AKR7A3: variants seen among roughly 807,000 people sequenced by gnomAD.
AKR7A3 encodes the protein aldo-keto reductase family 7 member A3, also known as AFB1 aldehyde reductase 2.
A neutral mutation model predicts 32.5 loss-of-function variants in AKR7A3; 37 were observed. The observed-to-expected ratio is 1.14, with a 90% CI of 0.88 to 1.50. The LOEUF is 1.50. Among genes scored for constraint, AKR7A3 ranks in the 40% most tolerant of loss-of-function variants. AKR7A3 has a pLI of 0.00. For synonymous variants in AKR7A3, 177 were observed against 188.4 expected, an observed-to-expected ratio of 0.94 and a Z score of 0.50; for missense variants, 412 against 453.2, an observed-to-expected ratio of 0.91 and a Z score of 0.83.
chr1:19,285,507 G>A (rs2151981941), intron 3 of AKR7A3, among the ~76,000 whole-genome samples: 1 of 151,770 alleles, frequency 6.6e-6, no homozygotes, highest in African/African-American at 2.4e-5. Flanking sequence ...GAATCATGAG[G>A]AGGTAAACAA....
At position 19,284,725 on chromosome 1, in the gene AKR7A3, C is replaced by T. The variant is rs368463814; in HGVS notation, c.665G>A (p.Arg222His). 26 of 1,613,808 alleles carry T rather than the reference C, an allele frequency of 1.6e-5. No individual in the cohort carries two copies. Among genetic ancestry groups the T allele is most frequent in the Non-Finnish European group, 1.8e-5 (21 of 1,179,984 alleles). Reference sequence around the variant, plus strand: ...CTCTGCCCAGGTATTCCCAAAGAAGCGGCCCACGGGCTGTTTCCCATTCTT... The same window carrying T: ...CTCTGCCCAGGTATTCCCAAAGAAGTGGCCCACGGGCTGTTTCCCATTCTT... ...EDKNGKQPVGRFFGNTWAEMY... is the reference protein window; with the variant it reads ...EDKNGKQPVGHFFGNTWAEMY... Residue 222 changes from arginine (R) to histidine (H), a missense_variant, in exon 5 of 7, where the codon CGC (arginine) becomes CAC (histidine). Physicochemically the swap from Arg to His is conservative, Grantham distance 29. Transcript: ENST00000361640.
chr1:19,287,954 G>T (rs1445055758), intron 1 of AKR7A3, among the ~76,000 whole-genome samples: 1 of 152,198 alleles, frequency 6.6e-6, no homozygotes, highest in Admixed American at 6.5e-5. Context: ...CCACCCTTGT[G>T]AGGTGCCCTT....
chr1:19,288,572 G>A lies in AKR7A3; in HGVS notation c.138C>T (p.Ala46=). The change falls in exon 1 of 7, where the codon GCC becomes GCT. Residue 46 remains alanine, a synonymous_variant. Transcript: ENST00000361640. ...CGGACTGGCCCTCGCTGTACACGAA[G>A]GCCGTGTCTATCTCGGTGTGGCCGC... is the stretch of plus-strand genomic sequence containing the variant. The part of the protein sequence containing the change: ...LERGHTEIDT[A]FVYSEGQSET... The A allele has an allele frequency of 6.2e-7, 1 of 1,609,542 alleles. No homozygotes were observed. The highest frequency in any genetic ancestry group is 8.5e-7 in the Non-Finnish European group (1 of 1,178,820).
At chr1:19,280,225 A>G (rs1226107677), downstream of AKR7A3, among the ~76,000 whole-genome samples, 2 of 151,912 alleles carry the variant, frequency 1.3e-5, no homozygotes, top group Middle Eastern at 3.4e-3. Flanking sequence ...CAAGGCCACA[A>G]GACTTATCTC....
At chr1:19,281,348 A>C (rs944321752), downstream of AKR7A3, among the ~76,000 whole-genome samples, 4 of 151,892 alleles carry the variant, frequency 2.6e-5, no homozygotes, top group African/African-American at 9.7e-5. Flanking sequence ...TGTTCTCAAA[A>C]AAAAGCTGGC....
intron 1 of AKR7A3, among the ~76,000 whole-genome samples, chr1:19,287,658 C>A (rs1477949259): frequency 6.6e-6 from 1 of 152,022 alleles, no homozygotes; most frequent in Non-Finnish European, 1.5e-5. Flanking sequence ...CGCGGCATTG[C>A]CAAAACACAT....
downstream of AKR7A3, among the ~76,000 whole-genome samples, chr1:19,279,882 C>A (rs2093716252): frequency 6.6e-6 from 1 of 151,798 alleles, no homozygotes. Context: ...TGTGGCCCGA[C>A]ACAAATTCAT....
Position 19,284,024 on chromosome 1 carries a change from C to A in AKR7A3, c.806G>T (p.Arg269Leu). The part of the protein sequence containing the change: ...SAPSMTSATL[R>L]WMYHHSQLQG... Reference sequence around the variant, plus strand: ...CAGCTGTGAGTGGTGGTACATCCACCGGAGGGTGGCCGAGGTCATGCTGGG... The same window carrying A: ...CAGCTGTGAGTGGTGGTACATCCACAGGAGGGTGGCCGAGGTCATGCTGGG... Residue 269 changes from arginine (R) to leucine (L), a missense_variant, in exon 6 of 7, where the codon CGG becomes CTG. Physicochemically the swap from Arg to Leu is moderately radical, Grantham distance 102 (BLOSUM62 -2). Transcript: ENST00000361640. 1 of 1,613,520 alleles carries A rather than the reference C, an allele frequency of 6.2e-7. No individual in the cohort carries two copies. The highest frequency in any genetic ancestry group is 8.5e-7 in the Non-Finnish European group (1 of 1,179,868).
In AKR7A3 at chr1:19,284,031, T is replaced by C. The variant is rs760443505; in HGVS notation, c.799A>G (p.Thr267Ala). ...GASAPSMTSA[T>A]LRWMYHHSQL... ...GAGTGGTGGTACATCCACCGGAGGG[T>C]GGCCGAGGTCATGCTGGGGGCGCTG... Residue 267 changes from threonine (T) to alanine (A), a missense_variant, in exon 6 of 7, where the codon ACC (threonine) becomes GCC (alanine). Physicochemically the swap from Thr to Ala is moderately conservative, Grantham distance 58. Coordinates refer to ENST00000361640, the MANE Select transcript of AKR7A3 (RefSeq NM_012067.3). 213 of 1,613,276 alleles carry C rather than the reference T, an allele frequency of 1.3e-4. No individual in the cohort carries two copies. The highest frequency in any genetic ancestry group is 1.7e-4 in the Middle Eastern group (1 of 5,854).
rs2995181 is a variant in AKR7A3, at chr1:19,282,758, A to G, written c.969T>C (p.Thr323=). 40 of 1,613,720 alleles carry G rather than the reference A, an allele frequency of 2.5e-5. No homozygotes were observed. The highest frequency in any genetic ancestry group is 4.5e-5 in the East Asian group (2 of 44,890). ...DAFNQAWHLV[T]HECPNYFR is the part of the protein sequence containing the mutation. ...AGCGGAAGTAGTTGGGACATTCGTG[A>G]GTAACCAAATGCCAGGCTTGATTAA... The change falls in exon 7 of 7, where the codon ACT becomes ACC. Residue 323 remains threonine (T), a synonymous_variant. Transcript: ENST00000361640.
chr1:19,274,912 A>AAAAAAAAAAAAAAAAAAAAAAAC, the AKR7A3 span, among the ~76,000 whole-genome samples: 1 of 148,620 alleles, frequency 6.7e-6, no homozygotes, highest in Non-Finnish European at 1.5e-5. Flanking sequence ...AAAAAAAAAA[A>AAAAAAAAAAAAAAAAAAAAAAAC]AAAGACCAAT....
intron 1 of AKR7A3, among the ~76,000 whole-genome samples, chr1:19,286,678 A>G (rs1347764327): frequency 1.3e-5 from 2 of 151,766 alleles, no homozygotes; most frequent in African/African-American, 4.9e-5. Context: ...TTCTCAAAAA[A>G]CAAACAAACA....
chr1:19,285,880 G>T lies in AKR7A3; in HGVS notation c.507+8C>A. ...GGAGACCTTGGCCTCTGCAGCCCTGGCTCTCACCTGGTACACAGTGGGCAG... is the reference window on the plus strand; with the variant it reads ...GGAGACCTTGGCCTCTGCAGCCCTGTCTCTCACCTGGTACACAGTGGGCAG... On this transcript the variant is annotated splice_region_variant and intron_variant, in intron 3 of 6. Transcript: ENST00000361640. 6.2e-7 allele frequency: 1 copy of T among 1,613,598 alleles called. No homozygotes were observed.
chr1:19,288,227 C>T (rs2093734318), intron 1 of AKR7A3, among the ~76,000 whole-genome samples: 1 of 152,146 alleles, frequency 6.6e-6, no homozygotes, highest in African/African-American at 2.4e-5. Context: ...CCAGGCAAGA[C>T]CAAGTCATCC....
downstream of AKR7A3, among the ~76,000 whole-genome samples, chr1:19,278,567 G>T (rs558776284): frequency 1.3e-5 from 2 of 150,294 alleles, no homozygotes; most frequent in African/African-American, 4.9e-5. Flanking sequence ...TCTCAAAAAA[G>T]AAAAAAACAA....
At chr1:19,279,723 C>A (rs745915618), downstream of AKR7A3, among the ~76,000 whole-genome samples, 2 of 151,804 alleles carry the variant, frequency 1.3e-5, no homozygotes, top group Non-Finnish European at 2.9e-5. Context: ...TATATCTTTG[C>A]TAGAGAAAGT....
chr1:19,288,430 C>T (rs1345831223), intron 1 of AKR7A3, 66 bp downstream of exon 1: 16 of 1,543,182 alleles, frequency 1.0e-5, no homozygotes, highest in Non-Finnish European at 1.4e-5. Context: ...GAGAGCGGGG[C>T]GGTACACGGC....
chr1:19,286,309 A>G lies in AKR7A3; in HGVS notation c.278T>C (p.Phe93Ser). The change falls in exon 2 of 7, where the codon TTC (phenylalanine) becomes TCC (serine). Residue 93 changes from phenylalanine (F) to serine (S), a missense_variant. Transcript: ENST00000361640. ...GNSLKPDSLR[F>S]QLETSLKRLQ... The stretch of plus-strand genomic sequence containing the variant: ...CCGCTTCAGTGACGTCTCCAGCTGG[A>G]ACCGGAGACTGTCAGGCTTCAGGGA... 1.9e-6 allele frequency: 3 copies of G among 1,613,920 alleles called. No homozygotes were observed. The highest frequency in any genetic ancestry group is 2.5e-6 in the Non-Finnish European group (3 of 1,180,034).
chr1:19,287,527 C>T (rs1318169672), intron 1 of AKR7A3, among the ~76,000 whole-genome samples: 38 of 151,846 alleles, frequency 2.5e-4, no homozygotes, highest in Admixed American at 2.5e-3. Context: ...ATTTCCCAGC[C>T]CTCACTATGT....
Sources: gnomAD v4.1 joint callset for allele counts (sites outside exome capture counted in the v4.1 genomes callset) on GRCh38, gnomAD v4.1.1 for gene constraint, MANE v1.5 for transcripts, NCBI Gene and HGNC (gene_info 2026-07-23, HGNC 2026-07-21) for gene names.